Variants in IST1 observed in about 807,000 individuals in gnomAD.
IST1 encodes the protein IST1 homolog.
In IST1, 23 loss-of-function variants were observed where a neutral mutation model predicts 37.0. That is an observed-to-expected ratio of 0.62 (90% confidence interval 0.45 to 0.88). The LOEUF is 0.88. IST1 is among the 40% of genes least tolerant of loss of function. The pLI, the probability that IST1 is intolerant of heterozygous loss-of-function variation, is 0.00. For missense variants in IST1, 488 were observed against 445.4 expected (o/e 1.10, Z -0.86); for synonymous variants, 180 against 161.7 (o/e 1.11, Z -0.86).
intron 1 of IST1, among the ~76,000 whole-genome samples, chr16:71,908,145 T>C (rs1437334358): frequency 6.6e-6 from 1 of 152,016 alleles, no homozygotes; most frequent in Non-Finnish European, 1.5e-5. Context: ...GGTTTCATCA[T>C]GTTAGCCAGG....
At position 71,929,645 on chromosome 16, in the gene IST1, T is replaced by G. The variant is rs1289058252; in HGVS notation, c.*1832T>G. On this transcript the variant is annotated 3_prime_UTR_variant, in exon 10 of 10. Coordinates refer to ENST00000378799, the MANE Select transcript of IST1 (RefSeq NM_001270975.2). ...CTGATTCCTAACAAATTTGAGAGCTTCTGTAGCAGTGTATCTATTAGTGCA... is the reference window on the plus strand; with the variant it reads ...CTGATTCCTAACAAATTTGAGAGCTGCTGTAGCAGTGTATCTATTAGTGCA... The G allele has an allele frequency of 6.4e-7, 1 of 1,551,850 alleles. No individual in the cohort carries two copies. Among genetic ancestry groups the G allele is most frequent in the African/African-American group, 1.4e-5 (1 of 73,170 alleles).
Position 71,929,712 on chromosome 16 carries a change from A to G in IST1, c.*1899A>G, listed in dbSNP as rs1216020084. The G allele has an allele frequency of 2.0e-6, 3 of 1,497,366 alleles. No individual in the cohort carries two copies. The Admixed American group carries it at 7.4e-5, about 37-fold the overall frequency. 92.8% of individuals were successfully genotyped at this position (1,497,366 alleles called of 1,614,324 possible). ...TGAAGACAAAAAGAGAAAAGTGAGA[A>G]AATTGAAATTACTGCTAATAGTGGA... On this transcript the variant is annotated 3_prime_UTR_variant, in exon 10 of 10. Transcript: ENST00000378799.
At position 71,923,365 on chromosome 16, in the gene IST1, C is replaced by T. The variant is rs775926850; in HGVS notation, c.837C>T (p.Pro279=). Residue 279 remains proline (P), a synonymous_variant, in exon 8 of 10, where the codon CCC becomes CCT. Coordinates refer to ENST00000378799, the MANE Select transcript of IST1 (RefSeq NM_001270975.2). ...ATCCACCTCAGATACCAGCAACTCC[C>T]CCATCGTATGAATCTGTAAGTGCCT... ...NIHPPQIPAT[P]PSYESVDDIN... 7 of 1,606,256 alleles carry T rather than the reference C, an allele frequency of 4.4e-6. No individual in the cohort carries two copies. The East Asian group carries it at 1.3e-4, about 31-fold the overall frequency.
chr16:71,912,918 T>G (rs1453397706), intron 1 of IST1, among the ~76,000 whole-genome samples: 2 of 152,214 alleles, frequency 1.3e-5, no homozygotes, highest in African/African-American at 4.8e-5. Context: ...TTGTAGCATG[T>G]GATGGGTAGG....
At chr16:71,900,426 A>G (rs1054558520) in intron 1 of IST1, among the ~76,000 whole-genome samples, 12 of 145,844 alleles carry the variant, frequency 8.2e-5, no homozygotes, top group Non-Finnish European at 4.4e-5. Context: ...TATTTTGGGC[A>G]GCAGTTCTGA....
At chr16:71,921,175 G>A (rs1432533084) in intron 5 of IST1, 168 bp from the exon 6 acceptor site, 29 of 607,836 alleles carry the variant, frequency 4.8e-5, no homozygotes, top group Admixed American at 2.3e-4. Context: ...AGAGAGACTT[G>A]GGTCCTCTGA....
At chr16:71,918,814 G>C (rs368855289) in intron 4 of IST1, among the ~76,000 whole-genome samples, 9 of 152,046 alleles carry the variant, frequency 5.9e-5, no homozygotes, top group Non-Finnish European at 1.3e-4. Flanking sequence ...AAATTAATGT[G>C]AATAAAAAAA....
intron 8 of IST1, 85 bp downstream of exon 8, chr16:71,923,465 G>GT: frequency 1.2e-6 from 1 of 822,406 alleles, no homozygotes; most frequent in East Asian, 2.6e-5. Flanking sequence ...GGAAGGCAGA[G>GT]TTTTGATCAA....
rs1421158137 is a variant in IST1 at position 71,901,804 on chromosome 16, A to G, written c.-16+6215A>G. Reference sequence around the variant, plus strand: ...TTAATTAAATTTTCTACTAATTAACATAATACATGAGCGACAGCTTTGTAC... The same window carrying G: ...TTAATTAAATTTTCTACTAATTAACGTAATACATGAGCGACAGCTTTGTAC... On this transcript the variant is annotated intron_variant, in intron 1 of 9. Coordinates refer to ENST00000378799, the MANE Select transcript of IST1 (RefSeq NM_001270975.2). Among the ~76,000 whole-genome samples, 4 of 152,270 alleles carry G rather than the reference A, an allele frequency of 2.6e-5. No homozygotes were observed. The East Asian group carries it at 5.8e-4, about 22-fold the overall frequency.
chr16:71,927,944 T>C lies in IST1; in HGVS notation c.*131T>C. 1 of 667,720 alleles carries C rather than the reference T, an allele frequency of 1.5e-6. No individual in the cohort carries two copies. The highest frequency in any genetic ancestry group is 1.8e-5 in the South Asian group (1 of 56,420). The allele number at this position is 667,720 out of a possible 1,614,324, so 41.4% of individuals were successfully genotyped here. On this transcript the variant is annotated 3_prime_UTR_variant, in exon 10 of 10. Transcript: ENST00000378799. ...TCAGCACAACACTCCCTCTGGGCTC[T>C]CTTCCTGCTCCTCCAGATTCTGCTG...
At chr16:71,904,953 TC>T (rs1461598257) in intron 1 of IST1, among the ~76,000 whole-genome samples, 6 of 152,212 alleles carry the variant, frequency 3.9e-5, no homozygotes, top group Non-Finnish European at 8.8e-5. Context: ...CATTTTTGTT[TC>T]TGTTTCCTGC....
intron 1 of IST1, among the ~76,000 whole-genome samples, chr16:71,895,919 G>A (rs952084111): frequency 1.3e-5 from 2 of 152,220 alleles, no homozygotes; most frequent in African/African-American, 4.8e-5. Context: ...CGGAAACGCC[G>A]CGGCCTCGGC....
intron 1 of IST1, among the ~76,000 whole-genome samples, chr16:71,905,412 C>T (rs1477911897): frequency 6.8e-6 from 1 of 146,676 alleles, no homozygotes; most frequent in South Asian, 2.2e-4. Context: ...CAGTTTCACT[C>T]TCGTTGCCCA....
intron 9 of IST1, 101 bp downstream of exon 9, chr16:71,924,918 C>G: frequency 2.5e-6 from 2 of 795,994 alleles, no homozygotes; most frequent in Admixed American, 2.0e-5. Flanking sequence ...TGTCCATGGA[C>G]TTCTATCTGC....
rs150929018 is a variant in IST1 at position 71,921,980 on chromosome 16, A to T, written c.553-494A>T. ...GTGAAACCCTGTCTCTACTAAAAAT[A>T]CAAAAAATTAGCTGGGTGTGGTGGT... On this transcript the variant is annotated intron_variant, in intron 6 of 9. Coordinates refer to ENST00000378799, the MANE Select transcript of IST1 (RefSeq NM_001270975.2). Among the ~76,000 whole-genome samples the T allele has an allele frequency of 2.9e-3, 439 of 152,312 alleles. 27 individuals carry two copies. In the East Asian group the frequency reaches 0.068, roughly 24 times the overall value.
chr16:71,914,251 C>T (rs1476064732), intron 1 of IST1, among the ~76,000 whole-genome samples: 4 of 151,062 alleles, frequency 2.6e-5, no homozygotes, highest in East Asian at 1.9e-4. Context: ...CTCCACCTCC[C>T]GGGTTCAAGC....
intron 1 of IST1, among the ~76,000 whole-genome samples, chr16:71,908,064 C>G (rs1383787952): frequency 6.6e-6 from 1 of 152,166 alleles, no homozygotes; most frequent in Non-Finnish European, 1.5e-5. Context: ...CTGCCTCAGC[C>G]TCCTGAGAAG....
chr16:71,927,530 T>G (rs1567476632), intron 9 of IST1, 84 bp from the exon 10 acceptor site: 7 of 985,744 alleles, frequency 7.1e-6, no homozygotes, highest in Non-Finnish European at 1.1e-5. Flanking sequence ...TTCTCCTGTG[T>G]TTTGATCATT....
intron 1 of IST1, among the ~76,000 whole-genome samples, chr16:71,911,688 C>T (rs556337195): frequency 6.7e-6 from 1 of 148,292 alleles, no homozygotes; most frequent in Admixed American, 6.8e-5. Context: ...AACTGTTCTT[C>T]AGGATAGACA....
Sources: gnomAD v4.1 joint callset for allele counts (sites outside exome capture counted in the v4.1 genomes callset) on GRCh38, gnomAD v4.1.1 for gene constraint, MANE v1.5 for transcripts, NCBI Gene and HGNC (gene_info 2026-07-23, HGNC 2026-07-21) for gene names.